Variants in IFIH1 observed in about 807,000 individuals in gnomAD.
The protein encoded by IFIH1 is interferon induced with helicase C domain 1, also known as interferon-induced helicase C domain-containing protein 1.
A neutral mutation model predicts 107.4 loss-of-function variants in IFIH1; 125 were observed. The observed-to-expected ratio is 1.16, with a 90% CI of 1.01 to 1.35. The LOEUF is 1.35. Ranked by LOEUF, IFIH1 falls within the 40% of genes most tolerant of loss-of-function variation. IFIH1 has a pLI of 0.00. For missense variants in IFIH1, 1,333 were observed against 1,213.7 expected (o/e 1.10, Z -1.46); for synonymous variants, 458 against 413.2 (o/e 1.11, Z -1.31).
At chr2:162,271,189 TATC>T (rs2105190595) in intron 13 of IFIH1, among the ~76,000 whole-genome samples, 1 of 152,274 alleles carries the variant, frequency 6.6e-6, no homozygotes, top group African/African-American at 2.4e-5. Context: ...TGTATTTTCT[TATC>T]ATTCAGATGC....
chr2:162,315,938 T>G (rs935941292), intron 1 of IFIH1, among the ~76,000 whole-genome samples: 3 of 152,238 alleles, frequency 2.0e-5, no homozygotes, highest in African/African-American at 7.2e-5. Context: ...CTCAGTCTTT[T>G]GGGGCCTCCT....
chr2:162,309,350 C>T (rs1683350671), intron 2 of IFIH1, among the ~76,000 whole-genome samples: 1 of 152,138 alleles, frequency 6.6e-6, no homozygotes, highest in South Asian at 2.1e-4. Flanking sequence ...GACAGTTTTG[C>T]CCTTTGAAAC....
chr2:162,285,324 C>T (rs192839090), intron 5 of IFIH1, among the ~76,000 whole-genome samples: 11 of 151,896 alleles, frequency 7.2e-5, no homozygotes, highest in East Asian at 5.8e-4. Flanking sequence ...TTGGAAAGGA[C>T]GGAGGAAGGG....
chr2:162,301,840 G>A (rs139901766), intron 3 of IFIH1, among the ~76,000 whole-genome samples: 9 of 152,272 alleles, frequency 5.9e-5, no homozygotes, highest in Admixed American at 5.9e-4. Context: ...AAGACGACCA[G>A]TGACTTCAGA....
rs374205118 is a variant in IFIH1, at chr2:162,310,860, T to C, written c.527A>G (p.Asn176Ser). The C allele has an allele frequency of 6.9e-5, 112 of 1,612,992 alleles. No homozygotes were observed. Among genetic ancestry groups the C allele is most frequent in the Non-Finnish European group, 9.3e-5 (110 of 1,179,146 alleles). ...ELLKRIVQKE[N>S]WFSAFLNVLR... ...AACATTCAGAAATGCAGAGAACCAG[T>C]TTTCTTTCTGCACAATCCTTTTTAG... The change falls in exon 2 of 16, where the codon AAC becomes AGC. Residue 176 changes from asparagine (N) to serine (S), a missense_variant. Transcript: ENST00000649979.
At position 162,282,317 on chromosome 2, in the gene IFIH1, CATCAATATTACTATTAATTTTTTTAA is replaced by C; in HGVS notation, c.1306+23_1306+48del. On this transcript the variant is annotated intron_variant, in intron 6 of 15. Transcript: ENST00000649979. The stretch of plus-strand genomic sequence containing the variant: ...AATTAACAAATACAGCCTTTGTTAT[CATCAATATTACTATTAATTTTTTTAA>C]AAAAATAAACACTTAAACTGACCTG... 2.5e-6 allele frequency: 3 copies of C among 1,179,728 alleles called. No homozygotes were observed. The South Asian group carries it at 4.4e-5, about 17-fold the overall frequency. The allele number at this position is 1,179,728 out of a possible 1,614,324, so 73.1% of individuals were successfully genotyped here.
intron 13 of IFIH1, 98 bp downstream of exon 13, chr2:162,272,128 C>T: frequency 1.1e-6 from 1 of 940,388 alleles, no homozygotes; most frequent in Non-Finnish European, 1.7e-6. Context: ...TATAATTCAG[C>T]ACAATTTTTG....
chr2:162,268,989 A>G lies in IFIH1; in HGVS notation c.2617-712T>C, dbSNP rs868151121. Among the ~76,000 whole-genome samples the G allele has an allele frequency of 2.8e-4, 43 of 152,328 alleles. No homozygotes were observed. In the Middle Eastern group the frequency reaches 0.01, roughly 36 times the overall value. ...TTATTACATTACCAAGTCTTCTCTA[A>G]TCTATGCTAAGCACCCAAATGCCTT... On this transcript the variant is annotated intron_variant, in intron 13 of 15. Transcript: ENST00000649979.
intron 11 of IFIH1, among the ~76,000 whole-genome samples, chr2:162,274,509 G>C (rs1489921409): frequency 6.6e-6 from 1 of 152,178 alleles, no homozygotes; most frequent in Non-Finnish European, 1.5e-5. Flanking sequence ...GGAGCTGGAA[G>C]ACTAGAGGTC....
chr2:162,276,637 GAAGAAAAGAGA>G, intron 11 of IFIH1, 39 bp downstream of exon 11: 1 of 1,553,064 alleles, frequency 6.4e-7, no homozygotes, highest in Non-Finnish European at 8.7e-7. Context: ...GAGAAGAGAA[GAAGAAAAGAGA>G]AAGAAAAGAA....
chr2:162,298,569 C>A (rs773798749), intron 3 of IFIH1, among the ~76,000 whole-genome samples: 11 of 152,094 alleles, frequency 7.2e-5, no homozygotes, highest in Non-Finnish European at 1.6e-4. Flanking sequence ...ATAATCCTCA[C>A]GCCTGGAAGG....
At chr2:162,308,648 G>A (rs866973222) in intron 2 of IFIH1, among the ~76,000 whole-genome samples, 2 of 152,162 alleles carry the variant, frequency 1.3e-5, no homozygotes, top group Non-Finnish European at 1.5e-5. Context: ...AAAGTGCTGG[G>A]ATTACAGGCG....
intron 3 of IFIH1, among the ~76,000 whole-genome samples, chr2:162,300,601 T>C: frequency 6.6e-6 from 1 of 152,206 alleles, no homozygotes; most frequent in South Asian, 2.1e-4. Flanking sequence ...CATCTCTCTC[T>C]TTCTCTCAGC....
chr2:162,286,412 T>C (rs1461402142), intron 5 of IFIH1, among the ~76,000 whole-genome samples: 1 of 151,808 alleles, frequency 6.6e-6, no homozygotes, highest in Non-Finnish European at 1.5e-5. Flanking sequence ...TCCTTGATAT[T>C]AGGAAGTTAC....
chr2:162,283,393 A>G (rs1408543198), intron 5 of IFIH1, among the ~76,000 whole-genome samples: 15 of 151,952 alleles, frequency 9.9e-5, no homozygotes, highest in Admixed American at 9.9e-4. Context: ...ACATCTGCTG[A>G]AGGTAGCTGG....
intron 1 of IFIH1, among the ~76,000 whole-genome samples, chr2:162,315,363 G>C (rs574235598): frequency 7.4e-4 from 112 of 152,260 alleles, no homozygotes; most frequent in Middle Eastern, 3.4e-3. Flanking sequence ...TAGGTTCTGG[G>C]ATGAAAGAGG....
At position 162,307,106 on chromosome 2, in the gene IFIH1, T is replaced by C. The variant is rs12478636; in HGVS notation, c.623-251A>G. ...GCCCGCAATAGAGATTGCTTTAATA[T>C]ATTTTAATATGTTGACATTTCGAAA... is the stretch of plus-strand genomic sequence containing the variant. On this transcript the variant is annotated intron_variant, in intron 2 of 15. Transcript: ENST00000649979. 0.026 allele frequency: 8,997 copies of C among 343,644 alleles called. 741 individuals are homozygous for C. The highest frequency in any genetic ancestry group is 0.23 in the Admixed American group (5,282 of 23,042). The allele number at this position is 343,644 out of a possible 1,614,324, so 21.3% of individuals were successfully genotyped here. A position where few individuals can be genotyped will look rare whatever the true frequency, so the allele number is the denominator to read the frequency against.
Position 162,310,764 on chromosome 2 carries a change from C to A in IFIH1, c.622+1G>T. 6.2e-7 allele frequency: 1 copy of A among 1,612,244 alleles called. No individual in the cohort carries two copies. The highest frequency in any genetic ancestry group is 8.5e-7 in the Non-Finnish European group (1 of 1,178,618). On this transcript the variant is annotated splice_donor_variant, in intron 2 of 15. Transcript: ENST00000649979. LOFTEE classifies it high-confidence loss of function. ...ATCTTCCTCAGTAAAATTACAAATA[C>A]CTGCATTGCTTTCTGAGCAATCAGA...
chr2:162,313,753 A>G (rs895940661), intron 1 of IFIH1, among the ~76,000 whole-genome samples: 2 of 152,256 alleles, frequency 1.3e-5, no homozygotes, highest in African/African-American at 4.8e-5. Context: ...AGTTTCCCAC[A>G]AAAAGTTAAT....
Sources: allele counts gnomAD v4.1 joint callset (sites outside exome capture counted in the v4.1 genomes callset), GRCh38; gene constraint gnomAD v4.1.1; transcripts MANE v1.5; gene names NCBI Gene and HGNC (gene_info 2026-07-23, HGNC 2026-07-21).